VPS45: variants seen among roughly 807,000 people sequenced by gnomAD.
VPS45 encodes vacuolar protein sorting-associated protein 45.
VPS45 carries 35 observed loss-of-function variants against 75.9 expected under a neutral mutation model. The ratio of observed to expected loss-of-function variants is 0.46; its 90% CI spans 0.35 to 0.61. The LOEUF (loss-of-function observed/expected upper bound fraction) is 0.61. Among genes scored for constraint, VPS45 ranks in the 20% least tolerant of loss-of-function variants. VPS45 has a pLI of 0.00. For missense variants in VPS45, 559 were observed against 685.9 expected, an observed-to-expected ratio of 0.81 and a Z score of 2.07; for synonymous variants, 220 against 238.2, an observed-to-expected ratio of 0.92 and a Z score of 0.70.
chr1:150,083,050 C>A, intron 10 of VPS45, 167 bp downstream of exon 10: 3 of 719,564 alleles, frequency 4.2e-6, no homozygotes, highest in African/African-American at 1.8e-5. Context: ...TAAAAAGAGT[C>A]ACAAGAGAAG....
At chr1:150,122,482 G>A (rs1658286523) in intron 14 of VPS45, among the ~76,000 whole-genome samples, 1 of 152,082 alleles carries the variant, frequency 6.6e-6, no homozygotes, top group African/African-American at 2.4e-5. Context: ...AAGAAATGCA[G>A]TGCGAGAGGC....
At chr1:150,086,953 C>G (rs1230784909) in intron 10 of VPS45, among the ~76,000 whole-genome samples, 5 of 111,552 alleles carry the variant, frequency 4.5e-5, no homozygotes, top group African/African-American at 7.2e-5. Flanking sequence ...GGATCCTGTT[C>G]TTTAGGTTAA....
chr1:150,096,384 G>C (rs888650799), intron 13 of VPS45, among the ~76,000 whole-genome samples: 3 of 152,184 alleles, frequency 2.0e-5, no homozygotes, highest in Admixed American at 1.3e-4. Context: ...ATTGGAAGTT[G>C]AGAGGTAGTT....
At chr1:150,118,687 T>G (rs1658076103) in intron 14 of VPS45, among the ~76,000 whole-genome samples, 1 of 152,122 alleles carries the variant, frequency 6.6e-6, no homozygotes, top group Admixed American at 6.5e-5. Flanking sequence ...ATTACAAGAG[T>G]GAGCCACCGC....
chr1:150,142,626 T>C (rs775754790), intron 14 of VPS45, among the ~76,000 whole-genome samples: 1 of 152,240 alleles, frequency 6.6e-6, no homozygotes, highest in Non-Finnish European at 1.5e-5. Flanking sequence ...ATCTGTCTGC[T>C]CTGAGAGAGA....
chr1:150,144,441 A>C (rs587601461), intron 14 of VPS45, among the ~76,000 whole-genome samples: 1 of 151,544 alleles, frequency 6.6e-6, no homozygotes, highest in Non-Finnish European at 1.5e-5. Context: ...AGAAACTTCA[A>C]ACTTGAAATG....
chr1:150,077,776 C>T lies in VPS45; in HGVS notation c.684C>T (p.Asn228=), dbSNP rs937860591. 1 of 1,611,278 alleles carries T rather than the reference C, an allele frequency of 6.2e-7. No homozygotes were observed. Among genetic ancestry groups the T allele is most frequent in the Admixed American group, 1.7e-5 (1 of 59,996 alleles). The change falls in exon 7 of 15, where the codon AAC becomes AAT. Residue 228 remains asparagine (N), a synonymous_variant. Coordinates refer to ENST00000644510, the MANE Select transcript of VPS45 (RefSeq NM_007259.5). The part of the protein sequence containing the change: ...RCDDAITPLL[N]QWTYQAMVHE... ...ATGATGCCATCACCCCATTGCTAAA[C>T]CAGGTACAAAACCCTTTCTTGGCAT...
intron 13 of VPS45, 76 bp downstream of exon 13, chr1:150,093,724 T>C (rs1314308544): frequency 1.3e-6 from 2 of 1,531,306 alleles, no homozygotes; most frequent in African/African-American, 1.4e-5. Flanking sequence ...TGTTAAGGAC[T>C]AAAGCTGAGG....
intron 14 of VPS45, among the ~76,000 whole-genome samples, chr1:150,115,591 C>G (rs1657888316): frequency 6.6e-6 from 1 of 152,284 alleles, no homozygotes; most frequent in African/African-American, 2.4e-5. Context: ...AGGATTTTAT[C>G]TATAGCACCC....
intron 14 of VPS45, among the ~76,000 whole-genome samples, chr1:150,120,270 G>A (rs1387657797): frequency 5.3e-5 from 8 of 152,060 alleles, no homozygotes; most frequent in Non-Finnish European, 7.4e-5. Flanking sequence ...ACCCTTACCC[G>A]TCAGGTAGCA....
At chr1:150,098,736 T>TA (rs1400401929) in intron 13 of VPS45, 5 of 465,416 alleles carry the variant, frequency 1.1e-5, no homozygotes, top group Non-Finnish European at 1.5e-5. Flanking sequence ...GCTGTTAAAT[T>TA]AGTGTTTAAG....
chr1:150,135,695 G>A (rs1356673821), intron 14 of VPS45, among the ~76,000 whole-genome samples: 2 of 152,034 alleles, frequency 1.3e-5, no homozygotes, highest in East Asian at 3.9e-4. Flanking sequence ...AGGCTAGAGT[G>A]CAGTGGTGTG....
At chr1:150,126,994 T>G (rs1658554237) in intron 14 of VPS45, among the ~76,000 whole-genome samples, 1 of 152,228 alleles carries the variant, frequency 6.6e-6, no homozygotes, top group Non-Finnish European at 1.5e-5. Flanking sequence ...CAGAACCACC[T>G]GATGTCAACT....
At chr1:150,128,312 AAG>A (rs1658627779) in intron 14 of VPS45, among the ~76,000 whole-genome samples, 1 of 151,372 alleles carries the variant, frequency 6.6e-6, no homozygotes, top group African/African-American at 2.4e-5. Flanking sequence ...TAAAAAAAAA[AAG>A]AAAATTAACT....
At chr1:150,084,389 T>TA (rs1441621080) in intron 10 of VPS45, among the ~76,000 whole-genome samples, 2 of 152,098 alleles carry the variant, frequency 1.3e-5, no homozygotes, top group East Asian at 3.8e-4. Context: ...CTTGTAGACT[T>TA]ACAGTGATAG....
chr1:150,101,008 AAAC>A (rs1176149188), intron 13 of VPS45, among the ~76,000 whole-genome samples: 1 of 152,210 alleles, frequency 6.6e-6, no homozygotes, highest in Non-Finnish European at 1.5e-5. Flanking sequence ...TACAAGAGAA[AAAC>A]AACCTCATTA....
chr1:150,097,749 T>A (rs1381455107), intron 13 of VPS45, among the ~76,000 whole-genome samples: 3 of 151,984 alleles, frequency 2.0e-5, no homozygotes, highest in Non-Finnish European at 2.9e-5. Flanking sequence ...AAAAAAAGTG[T>A]ACATGTATAT....
intron 13 of VPS45, among the ~76,000 whole-genome samples, chr1:150,099,832 CAAA>C (rs1241681093): frequency 9.2e-6 from 1 of 108,532 alleles, no homozygotes; most frequent in African/African-American, 3.7e-5. Flanking sequence ...GACTCCGTCT[CAAA>C]AAAAAAAAAA....
At chr1:150,107,107 G>A (rs1657370374) in intron 13 of VPS45, among the ~76,000 whole-genome samples, 1 of 151,764 alleles carries the variant, frequency 6.6e-6, no homozygotes, top group Admixed American at 6.6e-5. Context: ...TAGTTATTAG[G>A]GACTCAGCAA....
Sources: gnomAD v4.1 joint callset for allele counts (sites outside exome capture counted in the v4.1 genomes callset) on GRCh38, gnomAD v4.1.1 for gene constraint, MANE v1.5 for transcripts, NCBI Gene and HGNC (gene_info 2026-07-23, HGNC 2026-07-21) for gene names.